Variants in GALNT13 observed in about 807,000 individuals in gnomAD.
GALNT13 encodes polypeptide N-acetylgalactosaminyltransferase 13.
A neutral mutation model predicts 64.2 loss-of-function variants in GALNT13; 28 were observed. That is an observed-to-expected ratio of 0.44 (90% CI 0.32 to 0.60). GALNT13 has a LOEUF of 0.60. Ranked by LOEUF, GALNT13 falls within the 20% of genes least tolerant of loss-of-function variation. The pLI, the probability that GALNT13 is intolerant of heterozygous loss-of-function variation, is 0.05. For missense variants in GALNT13, 577 were observed against 669.8 expected (o/e 0.86, Z 1.53); for synonymous variants, 214 against 224.6 (o/e 0.95, Z 0.42).
intron 3 of GALNT13, among the ~76,000 whole-genome samples, chr2:154,069,620 GAAT>G (rs1474529591): frequency 6.6e-6 from 1 of 151,780 alleles, no homozygotes; most frequent in African/African-American, 2.4e-5. Flanking sequence ...GACATAGCTA[GAAT>G]AATGTTTAAG....
At chr2:154,411,360 A>ACACACACACACAC in intron 11 of GALNT13, among the ~76,000 whole-genome samples, 1 of 150,222 alleles carries the variant, frequency 6.7e-6, no homozygotes, top group South Asian at 2.1e-4. Flanking sequence ...ACACACACAC[A>ACACACACACACAC]AATGTTTTTG....
chr2:154,226,372 G>C (rs1411879888), intron 4 of GALNT13, among the ~76,000 whole-genome samples: 1 of 151,982 alleles, frequency 6.6e-6, no homozygotes, highest in Non-Finnish European at 1.5e-5. Flanking sequence ...TTGCATTCTT[G>C]TCAAAAAATG....
At chr2:154,018,999 T>C (rs1160170681) in intron 3 of GALNT13, among the ~76,000 whole-genome samples, 4 of 151,922 alleles carry the variant, frequency 2.6e-5, no homozygotes, top group African/African-American at 7.3e-5. Flanking sequence ...AGAGAGAGAT[T>C]GACTGTAGTA....
chr2:153,745,401 TG>T, the GALNT13 span, among the ~76,000 whole-genome samples: 1 of 152,144 alleles, frequency 6.6e-6, no homozygotes, highest in African/African-American at 2.4e-5. Context: ...CCAGAATCTG[TG>T]GTAGGGCTGA....
chr2:153,268,091 A>C, the GALNT13 span, among the ~76,000 whole-genome samples: 1 of 152,168 alleles, frequency 6.6e-6, no homozygotes, highest in Non-Finnish European at 1.5e-5. Context: ...ACAGTCCCCA[A>C]AAGTCTTAAC....
chr2:153,647,519 A>T, the GALNT13 span, among the ~76,000 whole-genome samples: 14 of 152,142 alleles, frequency 9.2e-5, no homozygotes, highest in African/African-American at 3.1e-4. Context: ...CTTTTGGTGT[A>T]TTAAACATGA....
chr2:153,895,371 T>G (rs774474875), intron 1 of GALNT13, among the ~76,000 whole-genome samples: 1 of 152,136 alleles, frequency 6.6e-6, no homozygotes, highest in Non-Finnish European at 1.5e-5. Flanking sequence ...TTTGTAAGCA[T>G]TTTTCTTTTT....
chr2:153,204,079 A>G, the GALNT13 span, among the ~76,000 whole-genome samples: 2 of 152,138 alleles, frequency 1.3e-5, no homozygotes, highest in Non-Finnish European at 2.9e-5. Context: ...CAATCACACT[A>G]TTCCTGTTTC....
chr2:153,315,243 CT>C, the GALNT13 span, among the ~76,000 whole-genome samples: 1 of 152,072 alleles, frequency 6.6e-6, no homozygotes, highest in Non-Finnish European at 1.5e-5. Context: ...TATTTCTCAC[CT>C]TTCTGGAGGC....
At chr2:153,805,542 G>T in the GALNT13 span, among the ~76,000 whole-genome samples, 2 of 152,042 alleles carry the variant, frequency 1.3e-5, no homozygotes, top group East Asian at 3.9e-4. Context: ...AACTAGTGAT[G>T]AACGTTAACT....
intron 9 of GALNT13, among the ~76,000 whole-genome samples, chr2:154,303,249 G>A (rs780307276): frequency 6.6e-6 from 1 of 151,926 alleles, no homozygotes. Flanking sequence ...CACCAGAGTC[G>A]GATGCGCGCG....
chr2:154,351,717 A>T (rs1003076027), intron 9 of GALNT13, among the ~76,000 whole-genome samples: 1 of 123,718 alleles, frequency 8.1e-6, no homozygotes, highest in Admixed American at 8.4e-5. Context: ...AAAAAAAAAA[A>T]AAAGCCAGAG....
At chr2:153,320,223 G>T in the GALNT13 span, among the ~76,000 whole-genome samples, 1 of 152,104 alleles carries the variant, frequency 6.6e-6, no homozygotes, top group Admixed American at 6.6e-5. Flanking sequence ...TATTTTTTAC[G>T]TGTTTTAATA....
intron 4 of GALNT13, among the ~76,000 whole-genome samples, chr2:154,216,760 T>A (rs926565767): frequency 6.6e-6 from 1 of 151,480 alleles, no homozygotes; most frequent in Non-Finnish European, 1.5e-5. Flanking sequence ...TTTAAAATTA[T>A]TTTAAAAGGC....
At chr2:154,305,251 G>C (rs574430185) in intron 9 of GALNT13, among the ~76,000 whole-genome samples, 1 of 151,926 alleles carries the variant, frequency 6.6e-6, no homozygotes, top group Non-Finnish European at 1.5e-5. Context: ...TTGATTTTCT[G>C]TTTTTCATCA....
At chr2:153,719,389 T>C in the GALNT13 span, among the ~76,000 whole-genome samples, 4 of 152,274 alleles carry the variant, frequency 2.6e-5, no homozygotes, top group South Asian at 8.3e-4. Context: ...AATTTGTAAT[T>C]GATGATTAGG....
intron 3 of GALNT13, among the ~76,000 whole-genome samples, chr2:153,973,039 A>T (rs1016560382): frequency 6.6e-6 from 1 of 152,060 alleles, no homozygotes; most frequent in Non-Finnish European, 1.5e-5. Context: ...ATAAAATCTC[A>T]TGTAAATACA....
intron 2 of GALNT13, among the ~76,000 whole-genome samples, chr2:153,922,980 A>T (rs1453185773): frequency 1.3e-5 from 2 of 151,718 alleles, no homozygotes; most frequent in Admixed American, 1.3e-4. Flanking sequence ...GCTCACTGCA[A>T]CCTCCGCCTC....
chr2:153,342,924 A>G, the GALNT13 span, among the ~76,000 whole-genome samples: 1 of 152,334 alleles, frequency 6.6e-6, no homozygotes, highest in African/African-American at 2.4e-5. Flanking sequence ...TTTAATAACT[A>G]TGAAAATTAG....
Sources: allele counts gnomAD v4.1 joint callset (sites outside exome capture counted in the v4.1 genomes callset), GRCh38; gene constraint gnomAD v4.1.1; transcripts MANE v1.5; gene names NCBI Gene and HGNC (gene_info 2026-07-23, HGNC 2026-07-21).